CAMK4: variants seen among roughly 807,000 people sequenced by gnomAD.
CAMK4 encodes the protein calcium/calmodulin-dependent protein kinase type IV.
In CAMK4, 22 loss-of-function variants were observed where a neutral mutation model predicts 44.9. The ratio of observed to expected loss-of-function variants is 0.49; its 90% CI spans 0.35 to 0.70. CAMK4 has a LOEUF of 0.70. CAMK4 is among the 30% of genes least tolerant of loss of function. CAMK4 has a pLI of 0.01. For synonymous variants in CAMK4, 218 were observed against 215.4 expected, an observed-to-expected ratio of 1.01 and a Z score of -0.11; for missense variants, 498 against 586.8, an observed-to-expected ratio of 0.85 and a Z score of 1.56.
At chr5:111,243,904 A>G (rs1561357856) in intron 1 of CAMK4, among the ~76,000 whole-genome samples, 3 of 152,218 alleles carry the variant, frequency 2.0e-5, no homozygotes, top group Admixed American at 6.5e-5. Context: ...AGATTTTTTC[A>G]GGAACTTAGA....
chr5:111,341,359 T>G (rs1749635334), intron 1 of CAMK4, among the ~76,000 whole-genome samples: 1 of 151,246 alleles, frequency 6.6e-6, no homozygotes, highest in Non-Finnish European at 1.5e-5. Context: ...TGATCCATTT[T>G]GAGTAATTTT....
At chr5:111,377,058 A>C in intron 4 of CAMK4, 116 bp downstream of exon 4, 1 of 618,956 alleles carries the variant, frequency 1.6e-6, no homozygotes, top group Non-Finnish European at 2.8e-6. Flanking sequence ...TTGTTGATAA[A>C]TACTACTAAA....
At chr5:111,383,061 A>C (rs1340399148) in intron 4 of CAMK4, among the ~76,000 whole-genome samples, 1 of 152,218 alleles carries the variant, frequency 6.6e-6, no homozygotes, top group Non-Finnish European at 1.5e-5. Flanking sequence ...GAGGTGAGGT[A>C]GTAGAACACA....
At chr5:111,354,011 A>G (rs1204631929) in intron 2 of CAMK4, among the ~76,000 whole-genome samples, 3 of 152,104 alleles carry the variant, frequency 2.0e-5, no homozygotes, top group Non-Finnish European at 4.4e-5. Context: ...TTGTACTGCT[A>G]TTTCATTATA....
Position 111,290,014 on chromosome 5 carries a change from C to A in CAMK4, c.162-54010C>A, listed in dbSNP as rs1452861584. Among the ~76,000 whole-genome samples the A allele has an allele frequency of 6.6e-6, 1 of 152,160 alleles. No individual in the cohort carries two copies. The highest frequency in any genetic ancestry group is 1.5e-5 in the Non-Finnish European group (1 of 68,044). Reference sequence around the variant, plus strand: ...ATGGCAGGGTGTAAAGCTGTGGGGACAGGAAATACAAATTACACACATGGA... The same window carrying A: ...ATGGCAGGGTGTAAAGCTGTGGGGAAAGGAAATACAAATTACACACATGGA... On this transcript the variant is annotated intron_variant, in intron 1 of 10. Transcript: ENST00000282356. This position sits in a 1 kb window ranked among gnomAD's most constrained non-coding sequence, Gnocchi z 4.5.
chr5:111,274,484 T>C (rs1750672270), intron 1 of CAMK4, among the ~76,000 whole-genome samples: 1 of 152,204 alleles, frequency 6.6e-6, no homozygotes, highest in African/African-American at 2.4e-5. Context: ...TTTAGTTTGT[T>C]AAACCATTTT....
At chr5:111,294,193 A>G (rs746844931) in intron 1 of CAMK4, among the ~76,000 whole-genome samples, 9 of 152,334 alleles carry the variant, frequency 5.9e-5, no homozygotes, top group Non-Finnish European at 1.0e-4. Flanking sequence ...GATGCCATCA[A>G]TGAAATAAAA....
intron 4 of CAMK4, among the ~76,000 whole-genome samples, chr5:111,378,917 A>G (rs1751313925): frequency 6.6e-6 from 1 of 152,160 alleles, no homozygotes; most frequent in Admixed American, 6.6e-5. Flanking sequence ...CATGTCCTCA[A>G]GCAAGAGTCT....
intron 7 of CAMK4, among the ~76,000 whole-genome samples, chr5:111,456,773 C>G (rs1754432857): frequency 6.6e-6 from 1 of 151,994 alleles, no homozygotes; most frequent in South Asian, 2.1e-4. Flanking sequence ...ATGACACTTC[C>G]TACTGGGTAA....
At chr5:111,441,577 C>T (rs966970541) in intron 5 of CAMK4, among the ~76,000 whole-genome samples, 4 of 152,308 alleles carry the variant, frequency 2.6e-5, no homozygotes, top group East Asian at 1.9e-4. Flanking sequence ...AATTGTTAGA[C>T]TGACATAGCA....
chr5:111,426,456 A>C (rs1204212682), intron 5 of CAMK4, among the ~76,000 whole-genome samples: 1 of 152,222 alleles, frequency 6.6e-6, no homozygotes, highest in Non-Finnish European at 1.5e-5. Flanking sequence ...GGGCAGAGAA[A>C]GATGGTGCAC....
intron 2 of CAMK4, among the ~76,000 whole-genome samples, chr5:111,358,894 C>T (rs1185935351): frequency 6.6e-6 from 1 of 152,052 alleles, no homozygotes; most frequent in Non-Finnish European, 1.5e-5. Flanking sequence ...CATGTTCCTG[C>T]AAAGGACATT....
At position 111,291,481 on chromosome 5, in the gene CAMK4, T is replaced by C. The variant is rs77621585; in HGVS notation, c.162-52543T>C. The stretch of plus-strand genomic sequence containing the variant: ...GTCGTCATACCTCCTTGGTGACTTA[T>C]ATTAAGTCTCTATTAAGACTTTAAT... On this transcript the variant is annotated intron_variant, in intron 1 of 10. Coordinates refer to ENST00000282356, the MANE Select transcript of CAMK4 (RefSeq NM_001744.6). Among the ~76,000 whole-genome samples, 550 of 152,356 alleles carry C rather than the reference T, an allele frequency of 3.6e-3. 3 individuals carry two copies. Among genetic ancestry groups the C allele is most frequent in the African/African-American group, 0.013 (537 of 41,592 alleles).
At chr5:111,465,006 G>A (rs1413526601) in intron 7 of CAMK4, among the ~76,000 whole-genome samples, 1 of 152,154 alleles carries the variant, frequency 6.6e-6, no homozygotes, top group Non-Finnish European at 1.5e-5. Context: ...ATTGCTGACA[G>A]CTTTAGTTGT....
chr5:111,396,735 G>T (rs993896201), intron 5 of CAMK4, among the ~76,000 whole-genome samples: 1 of 137,934 alleles, frequency 7.2e-6, no homozygotes, highest in Admixed American at 8.1e-5. Context: ...CTGCCTCCCA[G>T]GTTGAAGTGA....
At chr5:111,258,435 T>C (rs2112555857) in intron 1 of CAMK4, among the ~76,000 whole-genome samples, 1 of 152,294 alleles carries the variant, frequency 6.6e-6, no homozygotes, top group African/African-American at 2.4e-5. Context: ...GATTTACAGT[T>C]CCACATGGCT....
intron 1 of CAMK4, among the ~76,000 whole-genome samples, chr5:111,298,913 A>T (rs184668723): frequency 1.8e-4 from 27 of 152,352 alleles, no homozygotes; most frequent in Admixed American, 1.2e-3. Flanking sequence ...ATGAGAGATT[A>T]AGGCAGTCCA....
intron 2 of CAMK4, among the ~76,000 whole-genome samples, chr5:111,362,689 A>C (rs1750640458): frequency 6.6e-6 from 1 of 152,048 alleles, no homozygotes; most frequent in African/African-American, 2.4e-5. Flanking sequence ...TGGGAGGCTT[A>C]ACATTAATTC....
intron 1 of CAMK4, among the ~76,000 whole-genome samples, chr5:111,254,443 A>G (rs1749650614): frequency 6.6e-6 from 1 of 152,214 alleles, no homozygotes; most frequent in African/African-American, 2.4e-5. Context: ...ACACCCTTGT[A>G]AAACACAGGG....
Sources: allele counts gnomAD v4.1 joint callset (sites outside exome capture counted in the v4.1 genomes callset), GRCh38; gene constraint gnomAD v4.1.1; non-coding constraint Gnocchi (gnomAD v3.1); transcripts MANE v1.5; gene names NCBI Gene and HGNC (gene_info 2026-07-23, HGNC 2026-07-21).